Variants in PARP4 observed in about 807,000 individuals in gnomAD.
PARP4 encodes poly(ADP-ribose) polymerase family member 4.
In PARP4, 120 loss-of-function variants were observed where a neutral mutation model predicts 187.7. That is an observed-to-expected ratio of 0.64 (90% CI 0.55 to 0.74). The LOEUF is 0.74. Ranked by LOEUF, PARP4 falls within the 30% of genes least tolerant of loss-of-function variation. The probability of loss-of-function intolerance (pLI) is 0.00; values close to 1 mark genes in which losing one functional copy is unlikely to be tolerated. For missense variants in PARP4, 1,836 were observed against 2,070.5 expected (o/e 0.89, Z 2.20); for synonymous variants, 654 against 740.9 (o/e 0.88, Z 1.90).
intron 20 of PARP4, among the ~76,000 whole-genome samples, chr13:24,457,844 C>A (rs544380936): frequency 2.0e-5 from 3 of 146,486 alleles, no homozygotes; most frequent in Non-Finnish European, 4.5e-5. Context: ...AAGAGAGGAA[C>A]TTTTTTTTAA....
intron 33 of PARP4, among the ~76,000 whole-genome samples, chr13:24,424,633 T>C (rs1186066429): frequency 1.3e-5 from 2 of 152,050 alleles, no homozygotes; most frequent in Non-Finnish European, 2.9e-5. Context: ...TTTTAATCCT[T>C]AGGTACTATC....
intron 8 of PARP4, 28 bp downstream of exon 8, chr13:24,493,568 A>G: frequency 6.3e-7 from 1 of 1,587,592 alleles, no homozygotes; most frequent in Non-Finnish European, 8.6e-7. Context: ...GATTTTTCAC[A>G]TTCTGTTTCA....
At chr13:24,426,891 C>CAAAAAAA (rs5802279) in intron 32 of PARP4, among the ~76,000 whole-genome samples, 2 of 93,572 alleles carry the variant, frequency 2.1e-5, no homozygotes, top group Non-Finnish European at 2.1e-5. Flanking sequence ...GACTCTGTCT[C>CAAAAAAA]AAAAAAAAAA....
At chr13:24,480,348 T>C (rs145110058) in intron 12 of PARP4, among the ~76,000 whole-genome samples, 236 of 152,308 alleles carry the variant, frequency 1.5e-3, no homozygotes, top group African/African-American at 5.3e-3. Flanking sequence ...AATATTGAAA[T>C]TAGGCCAATT....
intron 15 of PARP4, among the ~76,000 whole-genome samples, chr13:24,474,407 G>A (rs1316985851): frequency 1.6e-5 from 2 of 122,294 alleles, no homozygotes; most frequent in Non-Finnish European, 3.7e-5. Flanking sequence ...CGCCTCCCCA[G>A]GAACCATCCT....
chr13:24,484,311 T>C (rs1211807556), intron 12 of PARP4, among the ~76,000 whole-genome samples: 1 of 152,062 alleles, frequency 6.6e-6, no homozygotes, highest in Non-Finnish European at 1.5e-5. Context: ...GAACTATAGG[T>C]TCTATTAGCG....
chr13:24,460,007 A>C lies in PARP4; in HGVS notation c.2263T>G (p.Trp755Gly). 1 of 1,614,110 alleles carries C rather than the reference A, an allele frequency of 6.2e-7. No homozygotes were observed. The highest frequency in any genetic ancestry group is 8.5e-7 in the Non-Finnish European group (1 of 1,179,998). ...VFFMPATVAP[W>G]QQDKALNENL... ...TCATTCAAAGCCTTGTCCTGTTGCC[A>C]GGGTGCTACGGTGGCGGGCATGAAA... Residue 755 changes from tryptophan to glycine, a missense_variant, in exon 18 of 34, where the codon TGG becomes GGG. Physicochemically the swap from Trp to Gly is radical, Grantham distance 184 (BLOSUM62 -2). Coordinates refer to ENST00000381989, the MANE Select transcript of PARP4 (RefSeq NM_006437.4).
intron 1 of PARP4, among the ~76,000 whole-genome samples, chr13:24,510,553 CAA>C (rs61708412): frequency 4.5e-4 from 40 of 89,236 alleles, no homozygotes; most frequent in Middle Eastern, 5.5e-3. Context: ...GACTCCGTCT[CAA>C]AAAAAAAAAA....
At chr13:24,492,310 A>C in intron 9 of PARP4, 111 bp downstream of exon 9, 1 of 700,866 alleles carries the variant, frequency 1.4e-6, no homozygotes, top group Non-Finnish European at 2.3e-6. Flanking sequence ...TTTCTAGTAC[A>C]ACTCTGGAGA....
chr13:24,446,376 AAAC>A (rs1271790995), intron 27 of PARP4, among the ~76,000 whole-genome samples: 5 of 152,248 alleles, frequency 3.3e-5, no homozygotes, highest in African/African-American at 1.2e-4. Flanking sequence ...CAACACAGGA[AAAC>A]AACAAAGTAC....
intron 2 of PARP4, among the ~76,000 whole-genome samples, chr13:24,503,419 T>C (rs533864475): frequency 6.6e-5 from 10 of 152,272 alleles, no homozygotes; most frequent in Non-Finnish European, 1.2e-4. Flanking sequence ...TCACAGGACA[T>C]GTAGGATTGT....
At chr13:24,509,161 A>C (rs768877955) in intron 1 of PARP4, among the ~76,000 whole-genome samples, 1 of 152,214 alleles carries the variant, frequency 6.6e-6, no homozygotes, top group East Asian at 1.9e-4. Flanking sequence ...AATGATGGAA[A>C]TGCTCAAAAC....
chr13:24,451,778 C>T (rs956576013), intron 24 of PARP4, among the ~76,000 whole-genome samples: 1 of 152,202 alleles, frequency 6.6e-6, no homozygotes, highest in Non-Finnish European at 1.5e-5. Context: ...ACACATACAC[C>T]GCATACCTTA....
chr13:24,444,714 A>C (rs1311360270), intron 27 of PARP4, among the ~76,000 whole-genome samples: 1 of 152,228 alleles, frequency 6.6e-6, no homozygotes, highest in African/African-American at 2.4e-5. Flanking sequence ...CTTCTTTGGC[A>C]TATTTTGAGA....
In PARP4 at chr13:24,475,556, C is replaced by A; in HGVS notation, c.1830G>T (p.Lys610Asn). Reference sequence around the variant, plus strand: ...TCCCAGAGGCATCCTGGAGGCCGGCCTTGGTGCTGCTGGAAGTTTTGGCAT... The same window carrying A: ...TCCCAGAGGCATCCTGGAGGCCGGCATTGGTGCTGCTGGAAGTTTTGGCAT... Reference protein sequence around the residue: ...LPDAKTSSSTKAGLQDASGNL... With the variant: ...LPDAKTSSSTNAGLQDASGNL... Residue 610 changes from lysine to asparagine, a missense_variant, in exon 15 of 34, where the codon AAG becomes AAT. This residue lies in a region of PARP4 where 1,147 missense variants were observed against 1,214.2 expected (regional missense o/e 0.94). Transcript: ENST00000381989. The A allele has an allele frequency of 6.2e-7, 1 of 1,614,136 alleles. No individual in the cohort carries two copies. Among genetic ancestry groups the A allele is most frequent in the African/African-American group, 1.3e-5 (1 of 75,066 alleles).
chr13:24,441,367 C>T (rs1416370107), intron 30 of PARP4, among the ~76,000 whole-genome samples: 1 of 152,116 alleles, frequency 6.6e-6, no homozygotes, highest in African/African-American at 2.4e-5. Flanking sequence ...AGAGGGTTGT[C>T]AGCACTGTGT....
chr13:24,500,138 T>A (rs56694844), intron 4 of PARP4, among the ~76,000 whole-genome samples, 178 bp downstream of exon 4: 1,785 of 152,108 alleles, frequency 0.012, 40 homozygotes, highest in African/African-American at 0.04. Flanking sequence ...GAATTTAAAA[T>A]AATGATCACT....
intron 1 of PARP4, among the ~76,000 whole-genome samples, chr13:24,506,949 C>T (rs1168666495): frequency 6.6e-6 from 1 of 152,202 alleles, no homozygotes; most frequent in African/African-American, 2.4e-5. Flanking sequence ...CGAGCCCTGC[C>T]CCGCGGGGAG....
At chr13:24,426,687 T>C in intron 32 of PARP4, 89 bp from the exon 33 acceptor site, 1 of 1,130,300 alleles carries the variant, frequency 8.8e-7, no homozygotes, top group Non-Finnish European at 1.3e-6. Context: ...AGAATTACAA[T>C]ACGCCATCTG....
Sources: gnomAD v4.1 joint callset for allele counts (sites outside exome capture counted in the v4.1 genomes callset) on GRCh38, gnomAD v4.1.1 for gene constraint, gnomAD v4.1.1 regional missense constraint, MANE v1.5 for transcripts, NCBI Gene and HGNC (gene_info 2026-07-23, HGNC 2026-07-21) for gene names.